BICC1: variants seen among roughly 807,000 people sequenced by gnomAD.
BICC1 encodes protein bicaudal C homolog 1.
In BICC1, 43 loss-of-function variants were observed where a neutral mutation model predicts 111.0. The ratio of observed to expected loss-of-function variants is 0.39; its 90% CI spans 0.30 to 0.50. The LOEUF is 0.50. Ranked by LOEUF, BICC1 falls within the 20% of genes least tolerant of loss-of-function variation. BICC1 has a pLI of 0.88. For synonymous variants in BICC1, 467 were observed against 434.4 expected (o/e 1.07, Z -0.93); for missense variants, 1,091 against 1,203.2 (o/e 0.91, Z 1.38).
At chr10:58,564,956 C>T (rs890831969) in intron 1 of BICC1, among the ~76,000 whole-genome samples, 5 of 151,980 alleles carry the variant, frequency 3.3e-5, no homozygotes, top group African/African-American at 7.3e-5. Flanking sequence ...AAGAATATGA[C>T]GTCCCTTTTT....
chr10:58,761,704 GA>G (rs1273951460), intron 3 of BICC1, among the ~76,000 whole-genome samples: 1 of 152,094 alleles, frequency 6.6e-6, no homozygotes, highest in African/African-American at 2.4e-5. Flanking sequence ...ATAAATGAAG[GA>G]TGTAATTGGG....
At chr10:58,745,556 C>T (rs1841805633) in intron 3 of BICC1, among the ~76,000 whole-genome samples, 1 of 150,216 alleles carries the variant, frequency 6.7e-6, no homozygotes, top group Non-Finnish European at 1.5e-5. Flanking sequence ...CTTCTGGAGA[C>T]TGAGAATTTG....
At chr10:58,753,296 G>A (rs1462771325) in intron 3 of BICC1, among the ~76,000 whole-genome samples, 1 of 152,076 alleles carries the variant, frequency 6.6e-6, no homozygotes, top group Non-Finnish European at 1.5e-5. Flanking sequence ...AGCCTCCTGA[G>A]CAATTGGGAC....
intron 2 of BICC1, among the ~76,000 whole-genome samples, chr10:58,627,538 C>T (rs541578468): frequency 1.3e-5 from 2 of 152,240 alleles, no homozygotes; most frequent in East Asian, 1.9e-4. Context: ...GGAACTATTT[C>T]GACATTATGT....
At chr10:58,824,736 A>G (rs1844347898) in intron 20 of BICC1, among the ~76,000 whole-genome samples, 1 of 152,194 alleles carries the variant, frequency 6.6e-6, no homozygotes, top group Non-Finnish European at 1.5e-5. Context: ...TAGCCCCTCA[A>G]AGAGACAACT....
At chr10:58,596,159 G>C (rs763634889) in intron 1 of BICC1, among the ~76,000 whole-genome samples, 1 of 152,202 alleles carries the variant, frequency 6.6e-6, no homozygotes, top group African/African-American at 2.4e-5. Context: ...GGCTAAACCA[G>C]GAAGAAGTTG....
chr10:58,578,115 G>A (rs1045769087), intron 1 of BICC1, among the ~76,000 whole-genome samples: 3 of 152,172 alleles, frequency 2.0e-5, no homozygotes, highest in Non-Finnish European at 4.4e-5. Context: ...GTGTGAAGAG[G>A]TGGGTGGGGG....
intron 19 of BICC1, among the ~76,000 whole-genome samples, chr10:58,818,441 A>C (rs1844162758): frequency 6.6e-6 from 1 of 152,200 alleles, no homozygotes; most frequent in Non-Finnish European, 1.5e-5. Flanking sequence ...GTCTTTTTCA[A>C]ATCAAGACAT....
intron 1 of BICC1, among the ~76,000 whole-genome samples, chr10:58,552,223 A>G (rs1564484279): frequency 2.0e-5 from 3 of 152,124 alleles, no homozygotes; most frequent in Admixed American, 2.0e-4. Flanking sequence ...TTATAGAACT[A>G]AAAACATTGA....
chr10:58,517,432 T>C (rs1055632765), intron 1 of BICC1, among the ~76,000 whole-genome samples: 1 of 152,156 alleles, frequency 6.6e-6, no homozygotes, highest in East Asian at 1.9e-4. Flanking sequence ...CAAACTTTAG[T>C]GGATTTTTAA....
chr10:58,722,366 T>C (rs141062748), intron 3 of BICC1, among the ~76,000 whole-genome samples: 17 of 152,312 alleles, frequency 1.1e-4, no homozygotes, highest in African/African-American at 3.4e-4. Flanking sequence ...TGATTTTTTT[T>C]CTCCTGTTGT....
Position 58,789,935 on chromosome 10 carries a change from T to C in BICC1, c.1047+2T>C. On this transcript the variant is annotated splice_donor_variant, in intron 8 of 20. Transcript: ENST00000373886. LOFTEE classifies it high-confidence loss of function. ...TGTCTTGCAAGGCAATATCTCATGGTAAGGTTACTGAAATAAGTGTTACAA... is the reference window on the plus strand; with the variant it reads ...TGTCTTGCAAGGCAATATCTCATGGCAAGGTTACTGAAATAAGTGTTACAA... 6.2e-7 allele frequency: 1 copy of C among 1,613,984 alleles called. No individual in the cohort carries two copies. The highest frequency in any genetic ancestry group is 2.2e-5 in the East Asian group (1 of 44,870).
intron 3 of BICC1, among the ~76,000 whole-genome samples, chr10:58,708,997 A>G (rs999169235): frequency 2.6e-5 from 4 of 152,144 alleles, no homozygotes; most frequent in African/African-American, 9.7e-5. Context: ...CTTAACTCCT[A>G]TATCACAAGC....
At chr10:58,727,856 A>G (rs1397241470) in intron 3 of BICC1, among the ~76,000 whole-genome samples, 5 of 152,208 alleles carry the variant, frequency 3.3e-5, no homozygotes, top group African/African-American at 9.7e-5. Context: ...TGAGTCACAC[A>G]CATTTTTAGT....
chr10:58,610,097 G>T (rs1041965996), intron 1 of BICC1, among the ~76,000 whole-genome samples: 1 of 152,144 alleles, frequency 6.6e-6, no homozygotes. Flanking sequence ...TTTGAAGTTC[G>T]AATAAACCCT....
chr10:58,668,049 A>G (rs924638510), intron 2 of BICC1, among the ~76,000 whole-genome samples: 1 of 152,120 alleles, frequency 6.6e-6, no homozygotes, highest in Non-Finnish European at 1.5e-5. Context: ...AAAAATTGGT[A>G]GTAAACAGTT....
chr10:58,571,675 C>A lies in BICC1; in HGVS notation c.191-49180C>A, dbSNP rs1843956403. On this transcript the variant is annotated intron_variant, in intron 1 of 20. Coordinates refer to ENST00000373886, the MANE Select transcript of BICC1 (RefSeq NM_001080512.3). ...CCTTGCAAAAGACATGATCTCATTC[C>A]TTTTTATGGCTGCATAGTATTTCAT... Among the ~76,000 whole-genome samples, 5 of 152,020 alleles carry A rather than the reference C, an allele frequency of 3.3e-5. No homozygotes were observed. The South Asian group carries it at 1.0e-3, about 32-fold the overall frequency.
At chr10:58,523,473 T>C (rs1455608359) in intron 1 of BICC1, among the ~76,000 whole-genome samples, 1 of 152,206 alleles carries the variant, frequency 6.6e-6, no homozygotes, top group East Asian at 1.9e-4. Context: ...TCTCAATAGA[T>C]GCAGAAAAGG....
At position 58,701,961 on chromosome 10, in the gene BICC1, T is replaced by A. The variant is rs1024717771; in HGVS notation, c.238-113T>A. On this transcript the variant is annotated intron_variant, in intron 2 of 20. Coordinates refer to ENST00000373886, the MANE Select transcript of BICC1 (RefSeq NM_001080512.3). ...TGCATTGTTTTCAAATGAGATCATT[T>A]TGTATGAACATGAACTTAGGAACTT... 1.5e-5 allele frequency: 11 copies of A among 709,948 alleles called. No individual in the cohort carries two copies. In the Admixed American group the frequency reaches 1.6e-4, roughly 10 times the overall value. The allele number at this position is 709,948 out of a possible 1,614,324, so 44.0% of individuals were successfully genotyped here. A position where few individuals can be genotyped will look rare whatever the true frequency, so the allele number is the denominator to read the frequency against.
Sources: allele counts gnomAD v4.1 joint callset (sites outside exome capture counted in the v4.1 genomes callset), GRCh38; gene constraint gnomAD v4.1.1; transcripts MANE v1.5; gene names NCBI Gene and HGNC (gene_info 2026-07-23, HGNC 2026-07-21).